MAP7: variants seen among roughly 807,000 people sequenced by gnomAD.
MAP7 encodes the protein ensconsin.
Under a neutral mutation model 94.8 loss-of-function variants are expected in MAP7, and 52 were observed. The ratio of observed to expected loss-of-function variants is 0.55; its 90% confidence interval spans 0.44 to 0.69. The LOEUF (loss-of-function observed/expected upper bound fraction) is 0.69, where lower values mean the gene tolerates loss of function less well. Ranked by LOEUF, MAP7 falls within the 30% of genes least tolerant of loss-of-function variation. MAP7 has a pLI of 0.00. For synonymous variants in MAP7, 350 were observed against 357.0 expected (o/e 0.98, Z 0.22); for missense variants, 940 against 964.6 (o/e 0.97, Z 0.34).
At chr6:136,505,251 A>G (rs993566958) in intron 1 of MAP7, among the ~76,000 whole-genome samples, 10 of 87,470 alleles carry the variant, frequency 1.1e-4, no homozygotes, top group African/African-American at 4.2e-4. Flanking sequence ...TTTCCATGTA[A>G]TGTGTGTGTG....
chr6:136,406,328 C>CT (rs1785592627), intron 3 of MAP7, among the ~76,000 whole-genome samples: 2 of 152,186 alleles, frequency 1.3e-5, no homozygotes, highest in South Asian at 4.1e-4. Flanking sequence ...ACCTATGCAT[C>CT]TTATGAATAC....
At chr6:136,444,631 A>G (rs1001272111) in intron 1 of MAP7, among the ~76,000 whole-genome samples, 3 of 152,200 alleles carry the variant, frequency 2.0e-5, no homozygotes, top group African/African-American at 4.8e-5. Flanking sequence ...TTATAATTTG[A>G]TACCACTTTT....
chr6:136,470,887 G>A (rs1021777824), intron 1 of MAP7, among the ~76,000 whole-genome samples: 19 of 151,848 alleles, frequency 1.3e-4, no homozygotes, highest in African/African-American at 4.6e-4. Context: ...TTATTTACAA[G>A]AATTTAAATG....
At chr6:136,394,718 C>T (rs1344508508) in intron 3 of MAP7, among the ~76,000 whole-genome samples, 1 of 150,658 alleles carries the variant, frequency 6.6e-6, no homozygotes, top group African/African-American at 2.4e-5. Context: ...TCTTTAACCT[C>T]CCCCCCACCT....
chr6:136,409,643 GTGGCACC>G (rs1786792630), intron 3 of MAP7, among the ~76,000 whole-genome samples: 1 of 152,138 alleles, frequency 6.6e-6, no homozygotes, highest in South Asian at 2.1e-4. Flanking sequence ...GGGAACTTGG[GTGGCACC>G]TGGCAAAGCC....
chr6:136,479,790 A>G (rs1812145654), intron 1 of MAP7, among the ~76,000 whole-genome samples: 2 of 152,206 alleles, frequency 1.3e-5, no homozygotes. Flanking sequence ...AACTTAACCA[A>G]AAAAGTGAAA....
Position 136,500,935 on chromosome 6 carries a change from G to A in MAP7, c.67+49407C>T, listed in dbSNP as rs942652622. Among the ~76,000 whole-genome samples, 13 of 151,642 alleles carry A rather than the reference G, an allele frequency of 8.6e-5. No homozygotes were observed. The East Asian group carries it at 2.3e-3, about 27-fold the overall frequency. On this transcript the variant is annotated intron_variant, in intron 1 of 17. Transcript: ENST00000354570. ...AGAGCCTCTAATTTCCAAATCATTG[G>A]GAAGATGCACAGAAAAAGACGGAAA...
chr6:136,364,408 GA>G (rs1391211001), intron 10 of MAP7: 11 of 346,116 alleles, frequency 3.2e-5, no homozygotes, highest in African/African-American at 2.4e-4. Context: ...TAGAAGCAAA[GA>G]AAAGAGAGTC....
intron 3 of MAP7, among the ~76,000 whole-genome samples, chr6:136,395,179 C>G (rs1476597025): frequency 1.3e-5 from 2 of 151,306 alleles, no homozygotes; most frequent in Non-Finnish European, 2.9e-5. Context: ...AATTTACATT[C>G]CTATAGCAGT....
rs1046023063 is a variant in MAP7, at chr6:136,477,464, A to G, written c.68-55665T>C. The stretch of plus-strand genomic sequence containing the variant: ...TTGGGACAAATGATGAAATCTTTAT[A>G]AAGTCTATAGATTAGACAATGGAAA... On this transcript the variant is annotated intron_variant, in intron 1 of 17. Transcript: ENST00000354570. Among the ~76,000 whole-genome samples the G allele has an allele frequency of 3.3e-5, 5 of 152,242 alleles. No individual in the cohort carries two copies. In the East Asian group the frequency reaches 9.6e-4, roughly 29 times the overall value.
At chr6:136,345,794 C>T (rs776241910) in intron 17 of MAP7, 62 bp downstream of exon 17, 9 of 1,302,770 alleles carry the variant, frequency 6.9e-6, no homozygotes, top group East Asian at 2.3e-5. Flanking sequence ...GGCAGCAGTT[C>T]GTGTCCTCCT....
intron 1 of MAP7, among the ~76,000 whole-genome samples, chr6:136,475,596 A>G (rs1810612676): frequency 6.6e-6 from 1 of 152,234 alleles, no homozygotes; most frequent in South Asian, 2.1e-4. Flanking sequence ...ATACTGCTAA[A>G]CAACATCATG....
intron 3 of MAP7, among the ~76,000 whole-genome samples, chr6:136,401,347 C>T (rs1345234995): frequency 6.6e-6 from 1 of 152,116 alleles, no homozygotes; most frequent in Non-Finnish European, 1.5e-5. Context: ...TTTATTGAGG[C>T]ACTATTCACA....
chr6:136,473,809 C>T (rs935323389), intron 1 of MAP7, among the ~76,000 whole-genome samples: 4 of 152,144 alleles, frequency 2.6e-5, no homozygotes, highest in African/African-American at 9.7e-5. Flanking sequence ...ATTGCTTCAT[C>T]CTGATTGATG....
chr6:136,457,207 G>C (rs1803577846), intron 1 of MAP7, among the ~76,000 whole-genome samples: 1 of 151,062 alleles, frequency 6.6e-6, no homozygotes, highest in African/African-American at 2.4e-5. Flanking sequence ...CCTAAAAGGA[G>C]GAGAAAAATT....
chr6:136,507,725 T>C (rs1159146878), intron 1 of MAP7, among the ~76,000 whole-genome samples: 1 of 152,212 alleles, frequency 6.6e-6, no homozygotes, highest in East Asian at 1.9e-4. Context: ...TTAGATATTA[T>C]TCTACCTAAT....
chr6:136,427,014 T>A (rs1445617609), intron 1 of MAP7, among the ~76,000 whole-genome samples: 1 of 152,252 alleles, frequency 6.6e-6, no homozygotes, highest in Non-Finnish European at 1.5e-5. Context: ...CTATAGAATT[T>A]AGTAACTAGT....
At chr6:136,444,178 C>T (rs1464868152) in intron 1 of MAP7, among the ~76,000 whole-genome samples, 5 of 152,134 alleles carry the variant, frequency 3.3e-5, no homozygotes, top group Non-Finnish European at 4.4e-5. Flanking sequence ...AAATGAGCTT[C>T]GGAGCCATGG....
At chr6:136,496,940 C>T (rs981552758) in intron 1 of MAP7, among the ~76,000 whole-genome samples, 4 of 151,120 alleles carry the variant, frequency 2.6e-5, no homozygotes, top group Admixed American at 6.6e-5. Flanking sequence ...GGCAACAGGG[C>T]GAGACTCCAT....
Sources: gnomAD v4.1 joint callset for allele counts (sites outside exome capture counted in the v4.1 genomes callset) on GRCh38, gnomAD v4.1.1 for gene constraint, MANE v1.5 for transcripts, NCBI Gene and HGNC (gene_info 2026-07-23, HGNC 2026-07-21) for gene names.